Variants in USH2A observed in about 807,000 individuals in gnomAD.
USH2A encodes the protein usherin.
Under a neutral mutation model 538.9 loss-of-function variants are expected in USH2A, and 443 were observed. That is an observed-to-expected ratio of 0.82 (90% CI 0.76 to 0.89). The LOEUF is 0.89. USH2A is among the 40% of genes least tolerant of loss of function. The pLI, the probability that USH2A is intolerant of heterozygous loss-of-function variation, is 0.00. For synonymous variants in USH2A, 2,413 were observed against 2,273.5 expected, an observed-to-expected ratio of 1.06 and a Z score of -1.75; for missense variants, 6,633 against 6,324.8, an observed-to-expected ratio of 1.05 and a Z score of -1.65.
intron 61 of USH2A, among the ~76,000 whole-genome samples, chr1:215,712,297 C>T (rs981778011): frequency 1.1e-4 from 16 of 152,244 alleles, no homozygotes; most frequent in African/African-American, 3.9e-4. Flanking sequence ...TAGCATAGGT[C>T]CTGGTATAAA....
At chr1:216,006,304 C>T (rs773365942) in intron 32 of USH2A, among the ~76,000 whole-genome samples, 3 of 152,300 alleles carry the variant, frequency 2.0e-5, no homozygotes, top group Non-Finnish European at 4.4e-5. Context: ...CACATCAATG[C>T]AATCACTCCT....
intron 4 of USH2A, among the ~76,000 whole-genome samples, chr1:216,331,701 T>G (rs190703478): frequency 1.0e-3 from 152 of 152,280 alleles, no homozygotes; most frequent in Non-Finnish European, 4.3e-4. Flanking sequence ...TTCTATATAC[T>G]AGTGATTAAC....
At chr1:216,039,711 CT>C (rs2030177783) in intron 32 of USH2A, among the ~76,000 whole-genome samples, 1 of 151,920 alleles carries the variant, frequency 6.6e-6, no homozygotes, top group African/African-American at 2.4e-5. Context: ...TTGTAGAGTG[CT>C]GATAAGGTTC....
chr1:215,873,577 C>T (rs748300339), intron 43 of USH2A, among the ~76,000 whole-genome samples: 21 of 152,016 alleles, frequency 1.4e-4, no homozygotes, highest in Admixed American at 2.0e-4. Flanking sequence ...GGACTTGAAA[C>T]ATCTTTATTT....
intron 20 of USH2A, 100 bp downstream of exon 20, chr1:216,190,123 G>T (rs1254573978): frequency 6.6e-7 from 1 of 1,508,786 alleles, no homozygotes; most frequent in Non-Finnish European, 9.0e-7. Context: ...TGAGGGAGGA[G>T]AAGACAAATA....
intron 40 of USH2A, among the ~76,000 whole-genome samples, chr1:215,895,066 T>G (rs576124977): frequency 1.3e-5 from 2 of 152,318 alleles, no homozygotes; most frequent in South Asian, 4.1e-4. Context: ...ATGGTTTTAC[T>G]GTGTGTGCTC....
chr1:215,703,323 T>C (rs539117758), intron 61 of USH2A, among the ~76,000 whole-genome samples: 1 of 152,312 alleles, frequency 6.6e-6, no homozygotes, highest in South Asian at 2.1e-4. Context: ...GTCTGTCCCT[T>C]AGCGGAGCTC....
chr1:215,770,157 A>G (rs1176617841), intron 55 of USH2A, among the ~76,000 whole-genome samples: 1 of 152,134 alleles, frequency 6.6e-6, no homozygotes, highest in Non-Finnish European at 1.5e-5. Flanking sequence ...CAGGCTTTGT[A>G]CTTTATTTAG....
chr1:215,971,204 T>G (rs1273285837), intron 35 of USH2A, among the ~76,000 whole-genome samples: 1 of 152,176 alleles, frequency 6.6e-6, no homozygotes, highest in African/African-American at 2.4e-5. Flanking sequence ...CAGGCACTGT[T>G]CTAAGCACCT....
chr1:216,160,345 T>C (rs534371451), intron 21 of USH2A, among the ~76,000 whole-genome samples: 2 of 152,282 alleles, frequency 1.3e-5, no homozygotes, highest in Non-Finnish European at 2.9e-5. Context: ...TATTAAGGCA[T>C]TATTATCATT....
intron 21 of USH2A, among the ~76,000 whole-genome samples, chr1:216,117,940 T>C (rs1256807986): frequency 2.0e-5 from 3 of 151,340 alleles, no homozygotes; most frequent in Non-Finnish European, 2.9e-5. Context: ...TCCAAAGGAG[T>C]CATTTTGTTA....
At chr1:216,066,884 G>C (rs564082508) in intron 30 of USH2A, among the ~76,000 whole-genome samples, 11 of 152,282 alleles carry the variant, frequency 7.2e-5, no homozygotes, top group African/African-American at 2.6e-4. Flanking sequence ...ATATAGCAGA[G>C]ATTTATATCA....
At chr1:215,836,551 A>AT (rs1205613902) in intron 47 of USH2A, among the ~76,000 whole-genome samples, 13 of 15,402 alleles carry the variant, frequency 8.4e-4, no homozygotes, top group South Asian at 2.4e-3. Context: ...TAATATATAT[A>AT]TATATATATA....
chr1:216,304,784 T>C (rs979215889), intron 9 of USH2A, among the ~76,000 whole-genome samples: 2 of 152,048 alleles, frequency 1.3e-5, no homozygotes, highest in African/African-American at 4.8e-5. Context: ...CCAAGAATCA[T>C]TGAGAAGCAG....
At chr1:216,342,937 C>T (rs1212687214) in intron 4 of USH2A, among the ~76,000 whole-genome samples, 6 of 151,926 alleles carry the variant, frequency 3.9e-5, no homozygotes, top group Non-Finnish European at 7.4e-5. Context: ...CACCATGGCA[C>T]GCATATACCT....
At chr1:216,352,091 C>T (rs1050046357) in intron 4 of USH2A, among the ~76,000 whole-genome samples, 3 of 151,952 alleles carry the variant, frequency 2.0e-5, no homozygotes, top group Non-Finnish European at 2.9e-5. Flanking sequence ...GTAACAGAGT[C>T]GTCTGGAGTT....
At chr1:216,045,546 C>T (rs890277122) in intron 32 of USH2A, among the ~76,000 whole-genome samples, 3 of 152,076 alleles carry the variant, frequency 2.0e-5, no homozygotes, top group African/African-American at 4.8e-5. Context: ...CTGTCAATGG[C>T]AAAAACCACA....
chr1:216,043,685 G>A (rs1211515710), intron 32 of USH2A, among the ~76,000 whole-genome samples: 3 of 152,016 alleles, frequency 2.0e-5, no homozygotes, highest in Non-Finnish European at 4.4e-5. Context: ...CATTTTGCAG[G>A]TGGTATTAGA....
chr1:215,637,788 T>C (rs1656542641), intron 69 of USH2A, among the ~76,000 whole-genome samples: 1 of 152,192 alleles, frequency 6.6e-6, no homozygotes, highest in Admixed American at 6.5e-5. Flanking sequence ...AAAAATTTTT[T>C]TTTTAAATTG....
Sources: gnomAD v4.1 joint callset for allele counts (sites outside exome capture counted in the v4.1 genomes callset) on GRCh38, gnomAD v4.1.1 for gene constraint, MANE v1.5 for transcripts, NCBI Gene and HGNC (gene_info 2026-07-23, HGNC 2026-07-21) for gene names.